The following NRXN3 variants were observed in gnomAD, a reference collection of about 807,000 sequenced individuals.
NRXN3 encodes neurexin III.
A neutral mutation model predicts 137.6 loss-of-function variants in NRXN3; 32 were observed. The ratio of observed to expected loss-of-function variants is 0.23; its 90% CI spans 0.18 to 0.31. NRXN3 has a LOEUF of 0.31. NRXN3 is among the 10% of genes least tolerant of loss of function. The pLI, the probability that NRXN3 is intolerant of heterozygous loss-of-function variation, is 1.00. For synonymous variants in NRXN3, 798 were observed against 784.5 expected (o/e 1.02, Z -0.29); for missense variants, 1,574 against 2,062.5 (o/e 0.76, Z 4.59).
chr14:79,214,211 G>T (rs76298401), intron 15 of NRXN3, among the ~76,000 whole-genome samples: 2,731 of 152,330 alleles, frequency 0.018, 83 homozygotes, highest in African/African-American at 0.063. Flanking sequence ...ATAGAGAGAA[G>T]GTGGCAGTGA....
At chr14:78,629,675 TGCAAAA>T (rs1424437201) in intron 4 of NRXN3, among the ~76,000 whole-genome samples, 4 of 152,174 alleles carry the variant, frequency 2.6e-5, no homozygotes, top group Non-Finnish European at 5.9e-5. Context: ...TTCAAACAAT[TGCAAAA>T]GCAAAAGCAG....
intron 15 of NRXN3, among the ~76,000 whole-genome samples, chr14:78,998,638 A>C (rs1263997645): frequency 6.1e-5 from 9 of 148,692 alleles, no homozygotes; most frequent in African/African-American, 2.2e-4. Context: ...TTGCTCTGTC[A>C]CCCAGACTGG....
intron 4 of NRXN3, among the ~76,000 whole-genome samples, chr14:78,490,996 C>T (rs1159602493): frequency 1.3e-5 from 2 of 152,144 alleles, no homozygotes; most frequent in African/African-American, 4.8e-5. Flanking sequence ...CATGTGCCTC[C>T]TTCTGAAGTT....
chr14:79,283,447 G>A (rs1248120231), intron 15 of NRXN3, among the ~76,000 whole-genome samples: 1 of 152,126 alleles, frequency 6.6e-6, no homozygotes, highest in Non-Finnish European at 1.5e-5. Flanking sequence ...TGCTAAGACA[G>A]ATGGAAGAAA....
At chr14:78,951,079 T>A (rs1252410049) in intron 10 of NRXN3, among the ~76,000 whole-genome samples, 2 of 152,138 alleles carry the variant, frequency 1.3e-5, no homozygotes, top group Non-Finnish European at 2.9e-5. Flanking sequence ...CTAAAATACA[T>A]CCCAAATTTT....
intron 4 of NRXN3, among the ~76,000 whole-genome samples, chr14:78,594,509 G>T: frequency 6.6e-6 from 1 of 152,198 alleles, no homozygotes; most frequent in Admixed American, 6.5e-5. Flanking sequence ...GTGAGTGATG[G>T]TCAATACAAC....
chr14:78,645,818 AAT>A (rs1301429367), intron 5 of NRXN3, among the ~76,000 whole-genome samples: 6 of 151,934 alleles, frequency 3.9e-5, no homozygotes, highest in African/African-American at 7.3e-5. Context: ...TCATTCTTTG[AAT>A]ATATGTTTTT....
chr14:79,115,260 G>T (rs561322330), intron 15 of NRXN3, among the ~76,000 whole-genome samples: 1 of 151,558 alleles, frequency 6.6e-6, no homozygotes, highest in African/African-American at 2.4e-5. Context: ...GGGAGACGGA[G>T]GCTGCGGTCA....
intron 15 of NRXN3, among the ~76,000 whole-genome samples, chr14:79,165,188 A>G (rs940722560): frequency 2.0e-5 from 3 of 151,990 alleles, no homozygotes; most frequent in South Asian, 2.1e-4. Flanking sequence ...TTGGTTAGGA[A>G]TGTAGCATAT....
At chr14:79,023,242 C>T (rs962834590) in intron 15 of NRXN3, among the ~76,000 whole-genome samples, 1 of 150,900 alleles carries the variant, frequency 6.6e-6, no homozygotes, top group Non-Finnish European at 1.5e-5. Flanking sequence ...GTTTGGTGTA[C>T]TTCTTAAAAT....
intron 15 of NRXN3, among the ~76,000 whole-genome samples, chr14:79,124,695 A>G (rs2056084180): frequency 6.6e-6 from 1 of 152,174 alleles, no homozygotes; most frequent in Admixed American, 6.5e-5. Context: ...TCACCTTAAC[A>G]TGTTTTCTGT....
intron 19 of NRXN3, among the ~76,000 whole-genome samples, chr14:79,765,721 T>G (rs1012701456): frequency 6.6e-6 from 1 of 152,216 alleles, no homozygotes; most frequent in African/African-American, 2.4e-5. Flanking sequence ...GATGAATCTC[T>G]GCTTATGAAA....
intron 1 of NRXN3, among the ~76,000 whole-genome samples, chr14:78,178,993 C>T (rs760333599): frequency 1.3e-5 from 2 of 152,172 alleles, no homozygotes; most frequent in Non-Finnish European, 2.9e-5. Flanking sequence ...CCTGCCTCTA[C>T]CCCACACCCA....
intron 20 of NRXN3, among the ~76,000 whole-genome samples, chr14:79,806,423 G>A (rs565870635): frequency 6.6e-6 from 1 of 152,280 alleles, no homozygotes; most frequent in East Asian, 1.9e-4. Flanking sequence ...ATGACACAGG[G>A]ACACATCATT....
intron 4 of NRXN3, among the ~76,000 whole-genome samples, chr14:78,483,924 C>T (rs992195475): frequency 6.7e-6 from 1 of 148,434 alleles, no homozygotes; most frequent in African/African-American, 2.5e-5. Flanking sequence ...TCAGTGGAAG[C>T]CTCCTTTTGA....
intron 10 of NRXN3, among the ~76,000 whole-genome samples, chr14:78,955,073 A>G (rs977728983): frequency 2.6e-5 from 4 of 152,208 alleles, no homozygotes; most frequent in Non-Finnish European, 4.4e-5. Flanking sequence ...AAAATTGCCT[A>G]AAGAACAGAT....
chr14:79,122,249 C>T (rs2620389), intron 15 of NRXN3, among the ~76,000 whole-genome samples: 4,340 of 152,224 alleles, frequency 0.029, 205 homozygotes, highest in African/African-American at 0.099. Flanking sequence ...GATTAATGAG[C>T]AGCAAACAGG....
At chr14:78,387,765 A>C (rs958934529) in intron 4 of NRXN3, among the ~76,000 whole-genome samples, 4 of 152,218 alleles carry the variant, frequency 2.6e-5, no homozygotes, top group Admixed American at 6.5e-5. Context: ...TGGGAAGTGC[A>C]GGCGAGTGAC....
intron 4 of NRXN3, among the ~76,000 whole-genome samples, chr14:78,334,947 C>G (rs1236726763): frequency 1.3e-5 from 2 of 152,088 alleles, no homozygotes; most frequent in African/African-American, 4.8e-5. Context: ...GGAGTTTGGA[C>G]CAGAGAATCG....
Sources: allele counts gnomAD v4.1 joint callset (sites outside exome capture counted in the v4.1 genomes callset), GRCh38; gene constraint gnomAD v4.1.1; transcripts MANE v1.5; gene names NCBI Gene and HGNC (gene_info 2026-07-23, HGNC 2026-07-21).